The following SMIM36 variants were observed in gnomAD, a reference collection of about 807,000 sequenced individuals.
SMIM36 encodes small integral membrane protein 36.
intron 4 of SMIM36, among the ~76,000 whole-genome samples, chr17:55,451,036 G>A (rs1053292660): frequency 6.6e-6 from 1 of 152,084 alleles, no homozygotes; most frequent in African/African-American, 2.4e-5. Context: ...ACAGGCATGC[G>A]CCACCACGCC....
intron 1 of SMIM36, among the ~76,000 whole-genome samples, chr17:55,492,243 T>TTTTC (rs1909720640): frequency 1.9e-5 from 1 of 53,782 alleles, no homozygotes. Context: ...TCTTTCTTTC[T>TTTTC]TTTTTTTTTT....
intron 3 of SMIM36, among the ~76,000 whole-genome samples, chr17:55,475,701 G>A (rs1909416398): frequency 6.6e-6 from 1 of 152,088 alleles, no homozygotes; most frequent in South Asian, 2.1e-4. Flanking sequence ...GAACCCCCTT[G>A]GGCACTCTCT....
upstream of SMIM36, among the ~76,000 whole-genome samples, chr17:55,514,611 A>G (rs1170847323): frequency 6.6e-6 from 1 of 152,214 alleles, no homozygotes; most frequent in Non-Finnish European, 1.5e-5. Flanking sequence ...AAACAGGTAC[A>G]TGCATAACTT....
intron 1 of SMIM36, among the ~76,000 whole-genome samples, chr17:55,501,467 A>G (rs1199967001): frequency 1.1e-5 from 1 of 91,060 alleles, no homozygotes; most frequent in African/African-American, 4.6e-5. Flanking sequence ...ATTATATATT[A>G]TATTTTATAA....
chr17:55,511,845 AGAT>A (rs1200464357), upstream of SMIM36, among the ~76,000 whole-genome samples: 2 of 152,240 alleles, frequency 1.3e-5, no homozygotes, highest in Non-Finnish European at 2.9e-5. Flanking sequence ...AACAAGAAGA[AGAT>A]ACTAGTGCCT....
At chr17:55,521,955 T>C in the SMIM36 span, among the ~76,000 whole-genome samples, 1 of 152,088 alleles carries the variant, frequency 6.6e-6, no homozygotes, top group Non-Finnish European at 1.5e-5. Flanking sequence ...ACTTAGTCTA[T>C]TTTCAACACA....
chr17:55,516,330 A>G (rs1174036544), upstream of SMIM36, among the ~76,000 whole-genome samples: 3 of 152,142 alleles, frequency 2.0e-5, no homozygotes, highest in Non-Finnish European at 4.4e-5. Context: ...CTCAGGAGAG[A>G]CACAGCCTGG....
chr17:55,499,079 A>G (rs1598456490), intron 1 of SMIM36, among the ~76,000 whole-genome samples: 1 of 152,084 alleles, frequency 6.6e-6, no homozygotes, highest in Middle Eastern at 3.4e-3. Flanking sequence ...CAGAGGGGAA[A>G]TTGAGTGAGG....
rs749476257 is a variant in SMIM36, at chr17:55,460,447, CA to C, written c.*531+6697del. Among the ~76,000 whole-genome samples, 573 of 66,102 alleles carry C rather than the reference CA, an allele frequency of 8.7e-3. 5 individuals carry two copies. The highest frequency in any genetic ancestry group is 0.018 in the South Asian group (41 of 2,334). 43.4% of individuals were successfully genotyped at this position (66,102 alleles called of 152,430 possible). A position where few individuals can be genotyped will look rare whatever the true frequency, so the allele number is the denominator to read the frequency against. On this transcript the variant is annotated intron_variant, in intron 4 of 4. Transcript: ENST00000636752. ...CTGTCTGGAAACAAAAAACAAAAAA[CA>C]AAACAAAAAAAAAGAACAACAACAA...
chr17:55,524,566 A>C, the SMIM36 span, among the ~76,000 whole-genome samples: 1 of 152,166 alleles, frequency 6.6e-6, no homozygotes, highest in Non-Finnish European at 1.5e-5. Context: ...TTTTCTCTGC[A>C]ACCTGGCCAG....
chr17:55,480,094 A>G (rs1443945871), intron 1 of SMIM36, among the ~76,000 whole-genome samples: 1 of 152,180 alleles, frequency 6.6e-6, no homozygotes, highest in Non-Finnish European at 1.5e-5. Flanking sequence ...GTTCAGCACC[A>G]GGAGCAGAGG....
chr17:55,513,292 G>C (rs780989517), upstream of SMIM36, among the ~76,000 whole-genome samples: 1 of 152,126 alleles, frequency 6.6e-6, no homozygotes, highest in Non-Finnish European at 1.5e-5. Context: ...GCCAATATGC[G>C]GTCACCAGGG....
chr17:55,504,569 C>T (rs570831394), intron 1 of SMIM36, among the ~76,000 whole-genome samples: 4,182 of 72,366 alleles, frequency 0.058, 1,044 homozygotes, highest in African/African-American at 0.17. Flanking sequence ...GGGATGCATT[C>T]AAAGCAGTGT....
chr17:55,468,167 A>G (rs7213973), intron 3 of SMIM36: 111,095 of 152,244 alleles, frequency 0.73, 41,201 homozygotes, highest in Middle Eastern at 0.82. Flanking sequence ...TCACACGGAC[A>G]CGTGTAACAT....
intron 3 of SMIM36, among the ~76,000 whole-genome samples, chr17:55,469,246 C>T (rs573487887): frequency 5.8e-4 from 88 of 152,172 alleles, no homozygotes; most frequent in Non-Finnish European, 9.4e-4. Context: ...TTTCGTTCCG[C>T]GACTAGCTCT....
intron 1 of SMIM36, among the ~76,000 whole-genome samples, chr17:55,508,666 T>C (rs969913215): frequency 1.3e-5 from 2 of 151,762 alleles, no homozygotes; most frequent in Admixed American, 6.6e-5. Flanking sequence ...CTCACGCCTG[T>C]AAACCCAGCA....
intron 3 of SMIM36, chr17:55,468,177 T>C (rs1047884616): frequency 2.0e-5 from 3 of 152,268 alleles, no homozygotes; most frequent in African/African-American, 7.2e-5. Flanking sequence ...ACGTGTAACA[T>C]TTGGTGCCAA....
rs78146021 is a variant in SMIM36, at chr17:55,488,698, A to G, written c.*175-9118T>C. On this transcript the variant is annotated intron_variant, in intron 1 of 4. Coordinates refer to ENST00000636752, the Ensembl canonical transcript of SMIM36. Reference sequence around the variant, plus strand: ...TTTTTGAACATTTAGCTTGTCACCAATGTTTTTTTCTTTATTCATCTTTGT... The same window carrying G: ...TTTTTGAACATTTAGCTTGTCACCAGTGTTTTTTTCTTTATTCATCTTTGT... Among the ~76,000 whole-genome samples the G allele has an allele frequency of 7.9e-5, 12 of 152,268 alleles. No individual in the cohort carries two copies. In the South Asian group the frequency reaches 2.5e-3, roughly 32 times the overall value.
the SMIM36 span, among the ~76,000 whole-genome samples, chr17:55,522,411 G>A: frequency 3.9e-5 from 6 of 152,174 alleles, no homozygotes; most frequent in Non-Finnish European, 5.9e-5. Context: ...AACTTATAAA[G>A]GAAAGAGGTT....
Sources: gnomAD v4.1 joint callset for allele counts (sites outside exome capture counted in the v4.1 genomes callset) on GRCh38, gnomAD v4.1.1 for gene constraint, MANE v1.5 for transcripts, NCBI Gene and HGNC (gene_info 2026-07-23, HGNC 2026-07-21) for gene names.